ASXL3: variants seen among roughly 807,000 people sequenced by gnomAD.
ASXL3 encodes the protein putative Polycomb group protein ASXL3.
In ASXL3, 34 loss-of-function variants were observed where a neutral mutation model predicts 170.6. That is an observed-to-expected ratio of 0.20 (90% CI 0.15 to 0.27). The LOEUF is 0.27. ASXL3 is among the 10% of genes least tolerant of loss of function. The pLI is 1.00. For missense variants in ASXL3, 2,592 were observed against 2,695.3 expected (o/e 0.96, Z 0.85); for synonymous variants, 1,002 against 989.1 (o/e 1.01, Z -0.24).
rs372081843 is a variant in ASXL3 at position 33,744,801 on chromosome 18, C to T, written c.4953C>T (p.Asn1651=). 77 of 1,614,060 alleles carry T rather than the reference C, an allele frequency of 4.8e-5. No homozygotes were observed. In the East Asian group the frequency reaches 6.0e-4, roughly 13 times the overall value. The change falls in exon 12 of 12, where the codon AAC becomes AAT. Residue 1651 remains asparagine, a synonymous_variant. Transcript: ENST00000269197. The part of the protein sequence containing the change: ...AIKTEHANYL[N]VSELHPRNLV... ...AAACTGAACATGCCAACTACTTGAA[C>T]GTGTCAGAACTTCATCCCAGGAATC... is the stretch of plus-strand genomic sequence containing the variant.
At chr18:33,609,071 T>C in intron 2 of ASXL3, 2 of 984,928 alleles carry the variant, frequency 2.0e-6, no homozygotes, top group Non-Finnish European at 2.4e-6. Context: ...CAGCAGTGGA[T>C]AGATTAGTTG....
At chr18:33,725,031 T>A (rs1386502142) in intron 8 of ASXL3, among the ~76,000 whole-genome samples, 2 of 152,082 alleles carry the variant, frequency 1.3e-5, no homozygotes, top group African/African-American at 2.4e-5. Flanking sequence ...TACTTAGTGG[T>A]AAGGAAAAAA....
chr18:33,633,717 T>C (rs1257269943), intron 2 of ASXL3, among the ~76,000 whole-genome samples: 2 of 151,790 alleles, frequency 1.3e-5, no homozygotes, highest in Admixed American at 1.3e-4. Flanking sequence ...TGATGGCGCG[T>C]GCCTGTAGTC....
intron 1 of ASXL3, among the ~76,000 whole-genome samples, chr18:33,597,284 A>G (rs1023866064): frequency 1.3e-5 from 2 of 152,028 alleles, no homozygotes; most frequent in Non-Finnish European, 2.9e-5. Context: ...GTATATGTAC[A>G]CCACAGACAC....
Position 33,739,374 on chromosome 18 carries a change from A to G in ASXL3, c.1970A>G (p.Glu657Gly). Residue 657 changes from glutamate to glycine, a missense_variant, in exon 11 of 12, where the codon GAA (glutamate) becomes GGA (glycine). By Grantham distance (98) the Glu-to-Gly change is moderately conservative (BLOSUM62 -2). Coordinates refer to ENST00000269197, the MANE Select transcript of ASXL3 (RefSeq NM_030632.3). ...TTTTGTTCTGAGGTATCTAGCACTG[A>G]AAATACAGACAAATACAACCAGAGA... is the stretch of plus-strand genomic sequence containing the variant. The part of the protein sequence containing the change: ...TTFCSEVSST[E>G]NTDKYNQRNS... 6.2e-7 allele frequency: 1 copy of G among 1,613,820 alleles called. No individual in the cohort carries two copies. Among genetic ancestry groups the G allele is most frequent in the Non-Finnish European group, 8.5e-7 (1 of 1,179,788 alleles).
At chr18:33,672,585 A>G (rs1176756897) in intron 7 of ASXL3, among the ~76,000 whole-genome samples, 1 of 152,194 alleles carries the variant, frequency 6.6e-6, no homozygotes, top group Admixed American at 6.5e-5. Context: ...TGATGGCTTC[A>G]TTTCTCTGAG....
chr18:33,746,612 G>T lies in ASXL3; in HGVS notation c.*17G>T. 6.5e-7 allele frequency: 1 copy of T among 1,549,274 alleles called. No homozygotes were observed. ...GTACGATAAGAGCTGAGTGAAAGAT[G>T]CAGTATCCCTTTTCCACACGGAAAA... On this transcript the variant is annotated 3_prime_UTR_variant, in exon 12 of 12. Transcript: ENST00000269197.
intron 8 of ASXL3, among the ~76,000 whole-genome samples, chr18:33,724,931 G>T (rs1216526712): frequency 6.6e-6 from 1 of 151,910 alleles, no homozygotes; most frequent in Non-Finnish European, 1.5e-5. Context: ...TCATTTTTAT[G>T]CCTATCTTTA....
At chr18:33,702,762 C>CAAAATTACATTTGCCATTCACAGT (rs2066896233) in intron 8 of ASXL3, among the ~76,000 whole-genome samples, 1 of 152,078 alleles carries the variant, frequency 6.6e-6, no homozygotes, top group Admixed American at 6.6e-5. Flanking sequence ...ATGGTCACAG[C>CAAAATTACATTTGCCATTCACAGT]AAAATTACAT....
rs2065566310 is a variant in ASXL3 at position 33,624,370 on chromosome 18, G to A, written c.137+16694G>A. On this transcript the variant is annotated intron_variant, in intron 2 of 11. Transcript: ENST00000269197. Reference sequence around the variant, plus strand: ...CTATTGATATTTCCTAATTTGCCATGTTTGGTATAATGACAGTTCATTTAC... The same window carrying A: ...CTATTGATATTTCCTAATTTGCCATATTTGGTATAATGACAGTTCATTTAC... 2.0e-5 allele frequency among the ~76,000 whole-genome samples: 3 copies of A among 151,590 alleles called. 1 individual carries two copies. In the South Asian group the frequency reaches 6.2e-4, roughly 31 times the overall value.
At position 33,747,293 on chromosome 18, in the gene ASXL3, C is replaced by T. The variant is rs1345637286; in HGVS notation, c.*698C>T. ...CCTACATCTGAAATTGCATGGGACT[C>T]ATGCCCAGCAATCTGGTTCTAGGCC... On this transcript the variant is annotated 3_prime_UTR_variant, in exon 12 of 12. Coordinates refer to ENST00000269197, the MANE Select transcript of ASXL3 (RefSeq NM_030632.3). The T allele has an allele frequency of 6.6e-6, 1 of 151,892 alleles. No individual in the cohort carries two copies. The highest frequency in any genetic ancestry group is 1.9e-4 in the East Asian group (1 of 5,168). 9.4% of individuals were successfully genotyped at this position (151,892 alleles called of 1,614,324 possible).
chr18:33,659,974 CT>C (rs2066145109), intron 4 of ASXL3, among the ~76,000 whole-genome samples: 1 of 152,034 alleles, frequency 6.6e-6, no homozygotes, highest in Non-Finnish European at 1.5e-5. Context: ...TTGTTAACTT[CT>C]AGTTTCAGTA....
intron 5 of ASXL3, among the ~76,000 whole-genome samples, chr18:33,666,231 G>A (rs185940067): frequency 1.3e-5 from 2 of 152,240 alleles, no homozygotes; most frequent in East Asian, 1.9e-4. Flanking sequence ...TAGTCCATTA[G>A]CATTCCACAG....
chr18:33,649,906 A>T (rs779127173), intron 4 of ASXL3, among the ~76,000 whole-genome samples: 1 of 152,076 alleles, frequency 6.6e-6, no homozygotes, highest in Non-Finnish European at 1.5e-5. Flanking sequence ...ATAAGAAAGA[A>T]GGGGGCTAGG....
At chr18:33,679,153 C>A (rs1322240441) in intron 7 of ASXL3, among the ~76,000 whole-genome samples, 1 of 152,102 alleles carries the variant, frequency 6.6e-6, no homozygotes, top group Non-Finnish European at 1.5e-5. Flanking sequence ...GACCTCAACT[C>A]TGTTACATGA....
chr18:33,652,891 ATTGAGAC>A (rs1325041737), intron 4 of ASXL3, among the ~76,000 whole-genome samples: 2 of 152,036 alleles, frequency 1.3e-5, no homozygotes, highest in South Asian at 4.1e-4. Flanking sequence ...TATAATCTCA[ATTGAGAC>A]ATCAGTTACA....
chr18:33,704,768 A>G (rs2066931212), intron 8 of ASXL3, among the ~76,000 whole-genome samples: 1 of 152,052 alleles, frequency 6.6e-6, no homozygotes, highest in Non-Finnish European at 1.5e-5. Flanking sequence ...TTTTAGTACC[A>G]AGATCCTGAT....
intron 8 of ASXL3, among the ~76,000 whole-genome samples, chr18:33,688,592 G>T (rs368706890): frequency 1.3e-5 from 2 of 152,110 alleles, no homozygotes; most frequent in South Asian, 4.1e-4. Context: ...AAAAGAGGAT[G>T]GGAAAGAGAC....
rs2067778582 is a variant in ASXL3 at position 33,745,932 on chromosome 18, C to T, written c.6084C>T (p.Pro2028=). Residue 2028 remains proline (P), a synonymous_variant, in exon 12 of 12, where the codon CCC becomes CCT. Coordinates refer to ENST00000269197, the MANE Select transcript of ASXL3 (RefSeq NM_030632.3). ...CACCGCCTCCCCCTCCCCCTCCACC[C>T]TTGGCTTTGCCCCCGCCTCCCCCCC... ...PPPPPPPPPP[P]LALPPPPPPP... 2 of 1,530,596 alleles carry T rather than the reference C, an allele frequency of 1.3e-6. No homozygotes were observed. The highest frequency in any genetic ancestry group is 1.8e-6 in the Non-Finnish European group (2 of 1,140,354). The allele number at this position is 1,530,596 out of a possible 1,614,324, so 94.8% of individuals were successfully genotyped here.
Sources: allele counts gnomAD v4.1 joint callset (sites outside exome capture counted in the v4.1 genomes callset), GRCh38; gene constraint gnomAD v4.1.1; transcripts MANE v1.5; gene names NCBI Gene and HGNC (gene_info 2026-07-23, HGNC 2026-07-21).